The following TMEM164 variants were observed in gnomAD, a reference collection of about 807,000 sequenced individuals.
TMEM164 encodes RP13-360B22.2.
In TMEM164, 4 loss-of-function variants were observed where a neutral mutation model predicts 18.8. That is an observed-to-expected ratio of 0.21 (90% CI 0.10 to 0.49). TMEM164 has a LOEUF of 0.49. TMEM164 is among the 20% of genes least tolerant of loss of function. The probability of loss-of-function intolerance (pLI) is 0.98; values close to 1 mark genes in which losing one functional copy is unlikely to be tolerated. For synonymous variants in TMEM164, 86 were observed against 101.7 expected, an observed-to-expected ratio of 0.85 and a Z score of 0.93; for missense variants, 108 against 239.9, an observed-to-expected ratio of 0.45 and a Z score of 3.63.
At chrX:110,084,365 T>TATATA (rs1446798852) in intron 3 of TMEM164, among the ~76,000 whole-genome samples, 1 of 68,338 alleles carries the variant, frequency 1.5e-5, no homozygotes, top group African/African-American at 6.5e-5. Flanking sequence ...ATATATAGTA[T>TATATA]AGTATATATA....
intron 2 of TMEM164, among the ~76,000 whole-genome samples, chrX:110,034,064 AAAT>A (rs1373355199): frequency 8.9e-6 from 1 of 111,855 alleles, no homozygotes; most frequent in Non-Finnish European, 1.9e-5. Flanking sequence ...GGAAGACTGA[AAAT>A]AATAAGCCAG....
At chrX:110,158,093 G>T (rs1461568383) in intron 5 of TMEM164, among the ~76,000 whole-genome samples, 5 of 111,487 alleles carry the variant, frequency 4.5e-5, no homozygotes, top group African/African-American at 1.6e-4. Context: ...CACCATGTTG[G>T]CCAGGCTGGT....
At chrX:110,104,735 C>A (rs1391956417) in intron 3 of TMEM164, among the ~76,000 whole-genome samples, 1 of 111,859 alleles carries the variant, frequency 8.9e-6, no homozygotes, top group Non-Finnish European at 1.9e-5. Context: ...ATATATAATA[C>A]ATATAACATA....
chrX:110,019,263 C>A (rs968272182), intron 2 of TMEM164, among the ~76,000 whole-genome samples: 1 of 111,097 alleles, frequency 9.0e-6, no homozygotes, highest in Non-Finnish European at 1.9e-5. Context: ...TCCCTAGAAA[C>A]CTTGATACAT....
At chrX:110,118,541 C>G (rs1468730393) in intron 4 of TMEM164, among the ~76,000 whole-genome samples, 1 of 111,364 alleles carries the variant, frequency 9.0e-6, no homozygotes, top group Admixed American at 9.7e-5. Context: ...CTCTTTTCTG[C>G]TTTGCCATTC....
At chrX:110,093,201 G>T (rs914609790) in intron 3 of TMEM164, among the ~76,000 whole-genome samples, 73 of 111,854 alleles carry the variant, frequency 6.5e-4, no homozygotes, top group South Asian at 1.8e-3. Context: ...CCAGGCTTTG[G>T]TATCAGGATG....
At chrX:110,045,681 A>T (rs932083193) in intron 2 of TMEM164, among the ~76,000 whole-genome samples, 1 of 111,951 alleles carries the variant, frequency 8.9e-6, no homozygotes, top group African/African-American at 3.3e-5. Context: ...TCTCTTAGGA[A>T]ATTAGAATTG....
intron 3 of TMEM164, among the ~76,000 whole-genome samples, chrX:110,081,822 T>C: frequency 8.9e-6 from 1 of 112,121 alleles, no homozygotes; most frequent in South Asian, 3.7e-4. Context: ...GTTTACCAGC[T>C]TCCCAGCTAA....
At chrX:110,136,046 T>C (rs2066686858) in intron 4 of TMEM164, among the ~76,000 whole-genome samples, 1 of 112,104 alleles carries the variant, frequency 8.9e-6, no homozygotes, top group South Asian at 3.7e-4. Flanking sequence ...AAGTTTCAAG[T>C]ATTGCTTTTG....
chrX:110,119,093 A>G (rs2066413249), intron 4 of TMEM164, among the ~76,000 whole-genome samples: 1 of 111,603 alleles, frequency 9.0e-6, no homozygotes, highest in African/African-American at 3.3e-5. Flanking sequence ...ACCACCTAAA[A>G]TAATGCCATT....
chrX:110,129,628 AT>A (rs1300198793), intron 4 of TMEM164, among the ~76,000 whole-genome samples: 2 of 112,728 alleles, frequency 1.8e-5, no homozygotes, highest in African/African-American at 6.4e-5. Context: ...TCAGTGGTAG[AT>A]TTGTTTAAGA....
chrX:110,063,852 G>A (rs1380029840), intron 2 of TMEM164, among the ~76,000 whole-genome samples: 1 of 111,108 alleles, frequency 9.0e-6, no homozygotes, highest in Non-Finnish European at 1.9e-5. Flanking sequence ...TTATGAGCTG[G>A]CTGATGGCAC....
chrX:110,043,740 C>T (rs760316397), intron 2 of TMEM164, among the ~76,000 whole-genome samples: 1 of 112,138 alleles, frequency 8.9e-6, no homozygotes, highest in East Asian at 2.8e-4. Context: ...AAGTGAAAGT[C>T]CCCCATAAAC....
At chrX:110,131,727 T>C (rs1281990634) in intron 4 of TMEM164, among the ~76,000 whole-genome samples, 1 of 112,048 alleles carries the variant, frequency 8.9e-6, no homozygotes, top group Non-Finnish European at 1.9e-5. Context: ...CTGAGTTCTT[T>C]GGAGAGATCT....
chrX:110,070,466 A>G (rs1030042584), intron 3 of TMEM164, among the ~76,000 whole-genome samples: 1 of 112,338 alleles, frequency 8.9e-6, no homozygotes, highest in Admixed American at 9.4e-5. Context: ...TTTAAATTAT[A>G]TGGCTCCTTT....
At position 110,175,297 on chromosome X, in the gene TMEM164, G is replaced by C. The variant is rs1240517980; in HGVS notation, c.*1846G>C. On this transcript the variant is annotated 3_prime_UTR_variant, in exon 7 of 7. Transcript: ENST00000372068. ...ATACACAAGGCCTCAGTGCCCCTTGGCCTCTTTACAAAAGGAGAAGTTGGA... is the reference window on the plus strand; with the variant it reads ...ATACACAAGGCCTCAGTGCCCCTTGCCCTCTTTACAAAAGGAGAAGTTGGA... 8.8e-6 allele frequency: 1 copy of C among 113,113 alleles called. No homozygotes were observed. Among genetic ancestry groups the C allele is most frequent in the African/African-American group, 3.2e-5 (1 of 31,147 alleles). The allele number at this position is 113,113 out of a possible 1,213,427, so 9.3% of individuals were successfully genotyped here.
At chrX:110,038,528 G>A (rs1337141196) in intron 2 of TMEM164, among the ~76,000 whole-genome samples, 1 of 110,800 alleles carries the variant, frequency 9.0e-6, no homozygotes, top group Non-Finnish European at 1.9e-5. Context: ...CCCTGGAGGG[G>A]CTTTGGGACA....
At chrX:110,072,200 C>T (rs1292144545) in intron 3 of TMEM164, among the ~76,000 whole-genome samples, 1 of 102,993 alleles carries the variant, frequency 9.7e-6, no homozygotes, top group Non-Finnish European at 1.9e-5. Flanking sequence ...ACTCGAGAGG[C>T]TGAGGGAGGA....
chrX:110,095,222 G>T (rs1457555865), intron 3 of TMEM164, among the ~76,000 whole-genome samples: 12 of 111,532 alleles, frequency 1.1e-4, no homozygotes, highest in Non-Finnish European at 1.9e-4. Context: ...TTGAATGTTG[G>T]CCTGCCTTGC....
Sources: allele counts gnomAD v4.1 joint callset (sites outside exome capture counted in the v4.1 genomes callset), GRCh38; gene constraint gnomAD v4.1.1; transcripts MANE v1.5; gene names NCBI Gene and HGNC (gene_info 2026-07-23, HGNC 2026-07-21).